PHKB: variants seen among roughly 807,000 people sequenced by gnomAD.
The protein encoded by PHKB is phosphorylase b kinase regulatory subunit beta.
In PHKB, 122 loss-of-function variants were observed where a neutral mutation model predicts 152.1. The ratio of observed to expected loss-of-function variants is 0.80; its 90% CI spans 0.69 to 0.93. PHKB has a LOEUF of 0.93. Among genes scored for constraint, PHKB ranks in the 40% least tolerant of loss-of-function variants. The probability of loss-of-function intolerance (pLI) is 0.00; values close to 1 mark genes in which losing one functional copy is unlikely to be tolerated. For missense variants in PHKB, 1,304 were observed against 1,328.4 expected, an observed-to-expected ratio of 0.98 and a Z score of 0.29; for synonymous variants, 436 against 464.9, an observed-to-expected ratio of 0.94 and a Z score of 0.80.
At chr16:47,487,491 T>C (rs1970070161) in intron 1 of PHKB, among the ~76,000 whole-genome samples, 2 of 152,066 alleles carry the variant, frequency 1.3e-5, no homozygotes, top group African/African-American at 4.8e-5. Context: ...ATTTGTTACA[T>C]GGGAAAATTG....
chr16:47,672,255 A>T (rs2142082447), intron 26 of PHKB, among the ~76,000 whole-genome samples: 1 of 152,302 alleles, frequency 6.6e-6, no homozygotes, highest in Non-Finnish European at 1.5e-5. Flanking sequence ...TCTTTCAAAG[A>T]TTCAGAGCTA....
Position 47,463,696 on chromosome 16 carries a change from T to G in PHKB, c.76+2270T>G, listed in dbSNP as rs908372647. On this transcript the variant is annotated intron_variant, in intron 1 of 30. Transcript: ENST00000323584. Reference sequence around the variant, plus strand: ...ATAAGTGGATATTATATAGTTTCTATCTCATCCATATGAGCAAGTGTAATT... The same window carrying G: ...ATAAGTGGATATTATATAGTTTCTAGCTCATCCATATGAGCAAGTGTAATT... The G allele has an allele frequency of 1.3e-5, 7 of 536,474 alleles. No homozygotes were observed. In the African/African-American group the frequency reaches 1.3e-4, roughly 10 times the overall value. The allele number at this position is 536,474 out of a possible 1,614,324, so 33.2% of individuals were successfully genotyped here. A position where few individuals can be genotyped will look rare whatever the true frequency, so the allele number is the denominator to read the frequency against.
chr16:47,627,740 C>T (rs1413257174), intron 14 of PHKB, among the ~76,000 whole-genome samples: 1 of 152,168 alleles, frequency 6.6e-6, no homozygotes, highest in Non-Finnish European at 1.5e-5. Flanking sequence ...GATATTTCTA[C>T]TTAACTTTCC....
rs1343170544 is a variant in PHKB at position 47,668,323 on chromosome 16, TCA to T, written c.2428-889_2428-888del. ...ACTTGTGATATAATAAACCAGCAGT[TCA>T]CAGTTTTCACTCCATTACAAAATTG... On this transcript the variant is annotated intron_variant, in intron 25 of 30. Coordinates refer to ENST00000323584, the MANE Select transcript of PHKB (RefSeq NM_000293.3). 2.0e-5 allele frequency among the ~76,000 whole-genome samples: 3 copies of T among 152,172 alleles called. No individual in the cohort carries two copies. The East Asian group carries it at 5.8e-4, about 29-fold the overall frequency.
chr16:47,540,745 G>T (rs1971040654), intron 6 of PHKB, among the ~76,000 whole-genome samples: 1 of 148,914 alleles, frequency 6.7e-6, no homozygotes, highest in South Asian at 2.2e-4. Flanking sequence ...TTAAAAATGT[G>T]TTGGGAGACA....
intron 7 of PHKB, 25 bp downstream of exon 7, chr16:47,547,573 T>G: frequency 8.0e-7 from 1 of 1,248,042 alleles, no homozygotes; most frequent in East Asian, 2.3e-5. Context: ...TCTGAGGTTT[T>G]TTTTTTAAAT....
At chr16:47,664,140 C>T (rs1973494719) in intron 24 of PHKB, 1 of 178,054 alleles carries the variant, frequency 5.6e-6, no homozygotes. Flanking sequence ...ATTGTCTTGT[C>T]ACTTAAGTTG....
At chr16:47,509,407 G>T (rs936617490) in intron 4 of PHKB, among the ~76,000 whole-genome samples, 2 of 152,098 alleles carry the variant, frequency 1.3e-5, no homozygotes, top group Non-Finnish European at 2.9e-5. Context: ...TGCTGATTAG[G>T]TTCTTTAATC....
intron 17 of PHKB, 41 bp downstream of exon 17, chr16:47,648,657 A>G (rs1973178634): frequency 2.4e-6 from 3 of 1,247,070 alleles, no homozygotes; most frequent in Non-Finnish European, 3.5e-6. Flanking sequence ...TTTGGATTCT[A>G]ATACCGCATA....
intron 13 of PHKB, among the ~76,000 whole-genome samples, chr16:47,602,395 T>A (rs969452674): frequency 6.6e-6 from 1 of 152,170 alleles, no homozygotes; most frequent in Non-Finnish European, 1.5e-5. Context: ...TGGTAAGTGA[T>A]TGTTTGGAAG....
intron 14 of PHKB, among the ~76,000 whole-genome samples, chr16:47,625,900 G>A (rs1057281294): frequency 1.6e-4 from 24 of 152,104 alleles, no homozygotes; most frequent in Admixed American, 7.2e-4. Context: ...GGCTAAGTTG[G>A]ATGCTCCCTG....
Position 47,641,055 on chromosome 16 carries a change from G to C in PHKB, c.1479G>C (p.Leu493Phe). Residue 493 changes from leucine to phenylalanine, a missense_variant, in exon 15 of 31, where the codon TTG becomes TTC. Physicochemically the swap from Leu to Phe is conservative, Grantham distance 22 (BLOSUM62 0). Transcript: ENST00000323584. ...TACAGGGCCCACTGGAAAATGACTT[G>C]GTAGTTCATGTGGCACTTATAGCAG... ...FSNQGPLEND[L>F]VVHVALIAES... is the part of the protein sequence containing the mutation. The C allele has an allele frequency of 6.2e-7, 1 of 1,613,956 alleles. No homozygotes were observed. The highest frequency in any genetic ancestry group is 8.5e-7 in the Non-Finnish European group (1 of 1,179,900).
Position 47,511,312 on chromosome 16 carries a change from T to C in PHKB, c.406-353T>C, listed in dbSNP as rs777025270. On this transcript the variant is annotated intron_variant, in intron 4 of 30. Coordinates refer to ENST00000323584, the MANE Select transcript of PHKB (RefSeq NM_000293.3). ...CATGTAGGCATTTCCAAATAACAGC[T>C]CAGTGGAATACAATCACTGAAATCC... Among the ~76,000 whole-genome samples the C allele has an allele frequency of 2.6e-5, 4 of 152,154 alleles. No individual in the cohort carries two copies. The South Asian group carries it at 8.3e-4, about 32-fold the overall frequency.
At chr16:47,522,992 GTC>G (rs890186000) in intron 6 of PHKB, among the ~76,000 whole-genome samples, 4 of 102,024 alleles carry the variant, frequency 3.9e-5, no homozygotes, top group Non-Finnish European at 6.0e-5. Flanking sequence ...AGTAATTTCT[GTC>G]TCTATTGATT....
chr16:47,468,168 G>A (rs1969701805), intron 1 of PHKB, among the ~76,000 whole-genome samples: 1 of 152,058 alleles, frequency 6.6e-6, no homozygotes, highest in Non-Finnish European at 1.5e-5. Context: ...TTCTTCAGCT[G>A]TACTCCTACC....
intron 7 of PHKB, among the ~76,000 whole-genome samples, chr16:47,550,584 A>G (rs747014696): frequency 6.6e-6 from 1 of 152,196 alleles, no homozygotes; most frequent in Non-Finnish European, 1.5e-5. Context: ...GGTGCTCACT[A>G]GGGCCTCAGC....
At chr16:47,591,078 C>T (rs1972021277) in intron 10 of PHKB, among the ~76,000 whole-genome samples, 1 of 152,202 alleles carries the variant, frequency 6.6e-6, no homozygotes, top group Non-Finnish European at 1.5e-5. Flanking sequence ...GACACCCTCA[C>T]TTGTTTTCTT....
At chr16:47,571,291 A>G (rs1971653886) in intron 7 of PHKB, among the ~76,000 whole-genome samples, 1 of 152,196 alleles carries the variant, frequency 6.6e-6, no homozygotes, top group Non-Finnish European at 1.5e-5. Context: ...GGTGAAAACC[A>G]GCTGCAGCTG....
chr16:47,545,849 A>G lies in PHKB; in HGVS notation c.595-1584A>G, dbSNP rs970532939. 2.0e-5 allele frequency among the ~76,000 whole-genome samples: 3 copies of G among 152,094 alleles called. No individual in the cohort carries two copies. In the East Asian group the frequency reaches 5.8e-4, roughly 29 times the overall value. On this transcript the variant is annotated intron_variant, in intron 6 of 30. Transcript: ENST00000323584. ...CTTCATTTCATTCATTTGATCTTCA[A>G]TCACTGATACCCTTTCTTCCACTTG...
Sources: gnomAD v4.1 joint callset for allele counts (sites outside exome capture counted in the v4.1 genomes callset) on GRCh38, gnomAD v4.1.1 for gene constraint, MANE v1.5 for transcripts, NCBI Gene and HGNC (gene_info 2026-07-23, HGNC 2026-07-21) for gene names.